ATL3: variants seen among roughly 807,000 people sequenced by gnomAD.
The protein encoded by ATL3 is atlastin GTPase 3.
In ATL3, 49 loss-of-function variants were observed where a neutral mutation model predicts 69.5. The ratio of observed to expected loss-of-function variants is 0.71; its 90% confidence interval spans 0.56 to 0.89. ATL3 has a LOEUF of 0.89. Among genes scored for constraint, ATL3 ranks in the 40% least tolerant of loss-of-function variants. The pLI is 0.00. For synonymous variants in ATL3, 214 were observed against 224.1 expected (o/e 0.95, Z 0.40); for missense variants, 606 against 645.7 (o/e 0.94, Z 0.67).
In ATL3 at chr11:63,629,200, A is replaced by T; in HGVS notation, c.*119T>A. 4.1e-6 allele frequency: 3 copies of T among 734,290 alleles called. No homozygotes were observed. The East Asian group carries it at 7.9e-5, about 19-fold the overall frequency. The allele number at this position is 734,290 out of a possible 1,614,324, so 45.5% of individuals were successfully genotyped here. ...CTCATTTATTACAGGGCCATGTTTT[A>T]GCTCTTCCTGGATCGTCTCAGATCT... On this transcript the variant is annotated 3_prime_UTR_variant, in exon 13 of 13. Coordinates refer to ENST00000398868, the MANE Select transcript of ATL3 (RefSeq NM_015459.5).
At chr11:63,639,155 G>A (rs886171527) in intron 8 of ATL3, among the ~76,000 whole-genome samples, 1 of 152,066 alleles carries the variant, frequency 6.6e-6, no homozygotes, top group Non-Finnish European at 1.5e-5. Context: ...ACAATAAACT[G>A]TGTGTGGTTC....
intron 1 of ATL3, among the ~76,000 whole-genome samples, chr11:63,669,229 G>A (rs1337990257): frequency 6.6e-6 from 1 of 152,018 alleles, no homozygotes. Flanking sequence ...AAGGTGTTCT[G>A]ACAATCGAAA....
At chr11:63,655,599 C>G (rs564302659) in intron 3 of ATL3, among the ~76,000 whole-genome samples, 9 of 151,920 alleles carry the variant, frequency 5.9e-5, no homozygotes, top group Non-Finnish European at 1.3e-4. Context: ...AGGCATGACC[C>G]ATCACACCCA....
chr11:63,643,610 G>T, intron 7 of ATL3, 115 bp from the exon 8 acceptor site: 1 of 931,916 alleles, frequency 1.1e-6, no homozygotes, highest in Non-Finnish European at 1.6e-6. Flanking sequence ...GATCATAGTG[G>T]CCAAATGAGA....
intron 4 of ATL3, among the ~76,000 whole-genome samples, chr11:63,652,242 T>C (rs1269839741): frequency 6.6e-6 from 1 of 152,206 alleles, no homozygotes; most frequent in Non-Finnish European, 1.5e-5. Flanking sequence ...TATAATAAAT[T>C]TCCATTTTTT....
intron 12 of ATL3, among the ~76,000 whole-genome samples, chr11:63,629,836 C>CTGGTAACT (rs1335705440): frequency 3.3e-5 from 5 of 151,732 alleles, no homozygotes; most frequent in Non-Finnish European, 7.4e-5. Context: ...TTACAATGAG[C>CTGGTAACT]TAAGATACCA....
intron 5 of ATL3, among the ~76,000 whole-genome samples, chr11:63,648,809 TAA>T (rs1181518895): frequency 2.3e-5 from 3 of 130,102 alleles, no homozygotes; most frequent in Non-Finnish European, 1.7e-5. Context: ...ACTCTGTCTC[TAA>T]AAAAAAAAAG....
rs1157164667 is a variant in ATL3, at chr11:63,640,317, T to TCA, written c.850+3038_850+3039dup. ...GTTTTTGTTTTTTTGAGACAGGGTC[T>TCA]CACTCTGTCACCCAGGCTAGAGTGC... On this transcript the variant is annotated intron_variant, in intron 8 of 12. Transcript: ENST00000398868. Among the ~76,000 whole-genome samples the TCA allele has an allele frequency of 2.6e-5, 4 of 152,158 alleles. No individual in the cohort carries two copies. In the East Asian group the frequency reaches 7.7e-4, roughly 29 times the overall value.
At chr11:63,643,277 A>G (rs1334054674) in intron 8 of ATL3, 80 bp downstream of exon 8, 2 of 1,417,924 alleles carry the variant, frequency 1.4e-6, no homozygotes, top group East Asian at 2.4e-5. Flanking sequence ...TTTCTTAAGC[A>G]TTCACTTGAT....
chr11:63,654,125 T>TA (rs1940163691), intron 3 of ATL3, among the ~76,000 whole-genome samples: 2 of 150,060 alleles, frequency 1.3e-5, no homozygotes, highest in South Asian at 4.2e-4. Context: ...CCTGAAAACC[T>TA]AAAACAAAAT....
At position 63,632,403 on chromosome 11, in the gene ATL3, T is replaced by G; in HGVS notation, c.1107+623A>C. 1.5e-5 allele frequency: 13 copies of G among 854,978 alleles called. No individual in the cohort carries two copies. The Middle Eastern group carries it at 2.4e-3, about 159-fold the overall frequency. 53.0% of individuals were successfully genotyped at this position (854,978 alleles called of 1,614,324 possible). A position where few individuals can be genotyped will look rare whatever the true frequency, so the allele number is the denominator to read the frequency against. On this transcript the variant is annotated intron_variant, in intron 11 of 12. Transcript: ENST00000398868. ...CACAAAATCTTAGTCGACATTTTGA[T>G]AGTATCCAAAGAGGTGACATTGTGA...
At position 63,631,170 on chromosome 11, in the gene ATL3, G is replaced by A. The variant is rs2050820182; in HGVS notation, c.1409C>T (p.Ala470Val). 2.5e-6 allele frequency: 4 copies of A among 1,614,058 alleles called. No individual in the cohort carries two copies. The African/African-American group carries it at 5.3e-5, about 22-fold the overall frequency. Residue 470 changes from alanine to valine, a missense_variant, in exon 12 of 13, where the codon GCC becomes GTC. Transcript: ENST00000398868. ...LTGFIGLEVV[A>V]QLFNCMVGLL... is the part of the protein sequence containing the mutation. Reference sequence around the variant, plus strand: ...TCCAACCATACAGTTGAACAACTGGGCTACAACCTCAAGACCTATGAAGCC... The same window carrying A: ...TCCAACCATACAGTTGAACAACTGGACTACAACCTCAAGACCTATGAAGCC...
rs981256054 is a variant in ATL3 at position 63,624,156 on chromosome 11, T to C, written c.*5163A>G. ...GTAAAACAGAAACATGCTTTTAATA[T>C]ACTAATAGCATAATCTCATCCCATT... is the stretch of plus-strand genomic sequence containing the variant. On this transcript the variant is annotated 3_prime_UTR_variant, in exon 13 of 13. Transcript: ENST00000398868. The C allele has an allele frequency of 1.3e-5, 2 of 152,240 alleles. No individual in the cohort carries two copies. The highest frequency in any genetic ancestry group is 4.8e-5 in the African/African-American group (2 of 41,474). 9.4% of individuals were successfully genotyped at this position (152,240 alleles called of 1,614,324 possible).
intron 12 of ATL3, among the ~76,000 whole-genome samples, chr11:63,630,363 G>T (rs373467614): frequency 6.8e-6 from 1 of 146,806 alleles, no homozygotes; most frequent in African/African-American, 2.5e-5. Flanking sequence ...GTGGGCAGAG[G>T]TTGCAGTGAG....
At chr11:63,660,410 A>G (rs1358745422) in intron 1 of ATL3, among the ~76,000 whole-genome samples, 2 of 152,194 alleles carry the variant, frequency 1.3e-5, no homozygotes, top group African/African-American at 4.8e-5. Flanking sequence ...AAATTTAAAG[A>G]CTGACAATAT....
chr11:63,632,566 G>A (rs879047381), intron 11 of ATL3: 4 of 851,862 alleles, frequency 4.7e-6, no homozygotes, highest in South Asian at 4.0e-5. Flanking sequence ...TGTTTGGTTA[G>A]AAGGTGATAA....
chr11:63,633,013 A>G lies in ATL3; in HGVS notation c.1107+13T>C. ...TTATAGATATTTCAGAATAAGGCGTATGTCCCACGTACCTCTTCCATGTTG... is the reference window on the plus strand; with the variant it reads ...TTATAGATATTTCAGAATAAGGCGTGTGTCCCACGTACCTCTTCCATGTTG... On this transcript the variant is annotated intron_variant, in intron 11 of 12. Coordinates refer to ENST00000398868, the MANE Select transcript of ATL3 (RefSeq NM_015459.5). 1 of 1,611,708 alleles carries G rather than the reference A, an allele frequency of 6.2e-7. No individual in the cohort carries two copies. Among genetic ancestry groups the G allele is most frequent in the African/African-American group, 1.3e-5 (1 of 75,008 alleles).
At chr11:63,641,593 G>C (rs912322896) in intron 8 of ATL3, among the ~76,000 whole-genome samples, 2 of 152,210 alleles carry the variant, frequency 1.3e-5, no homozygotes, top group Non-Finnish European at 2.9e-5. Flanking sequence ...GCAACTTCCA[G>C]ATGCTAGGAG....
chr11:63,658,702 G>A (rs942966695), intron 3 of ATL3, 59 bp downstream of exon 3: 164 of 1,532,822 alleles, frequency 1.1e-4, no homozygotes, highest in Admixed American at 1.7e-4. Context: ...CACAGTACAT[G>A]CTGAAGTTCA....
Sources: allele counts gnomAD v4.1 joint callset (sites outside exome capture counted in the v4.1 genomes callset), GRCh38; gene constraint gnomAD v4.1.1; transcripts MANE v1.5; gene names NCBI Gene and HGNC (gene_info 2026-07-23, HGNC 2026-07-21).